Variants in TTN observed in about 807,000 individuals in gnomAD.
The protein encoded by TTN is titin.
In TTN, 1,525 loss-of-function variants were observed where a neutral mutation model predicts 3,223.0. The observed-to-expected ratio is 0.47, with a 90% CI of 0.45 to 0.49. TTN has a LOEUF of 0.49. Among genes scored for constraint, TTN ranks in the 20% least tolerant of loss-of-function variants. The pLI is 0.00. For missense variants in TTN, 40,786 were observed against 43,424.0 expected (o/e 0.94, Z 5.40); for synonymous variants, 14,094 against 15,161.0 (o/e 0.93, Z 5.17).
Position 178,556,715 on chromosome 2 carries a change from A to G in TTN, c.88306+133T>C, listed in dbSNP as rs1701659132. ...AGGAATTTTCCTCAGACTCCCAGCT[A>G]GTCCATAATTTCTTCCAAAAACCCC... On this transcript the variant is annotated intron_variant, in intron 330 of 362. Coordinates refer to ENST00000589042, the MANE Select transcript of TTN (RefSeq NM_001267550.2). 9.7e-6 allele frequency: 10 copies of G among 1,031,146 alleles called. No individual in the cohort carries two copies. The South Asian group carries it at 1.6e-4, about 16-fold the overall frequency. The allele number at this position is 1,031,146 out of a possible 1,614,324, so 63.9% of individuals were successfully genotyped here.
chr2:178,784,128 A>G lies in TTN; in HGVS notation c.2717T>C (p.Ile906Thr). ...CTCTTCACGGACGGTGGTGCCAGTG[A>G]TGCTCACCCCTACTTCCTTTTTCAC... Reference protein sequence around the residue: ...VEVKKEVGVSITGTTVREERF... With the variant: ...VEVKKEVGVSTTGTTVREERF... Residue 906 changes from isoleucine (I) to threonine (T), a missense_variant, in exon 16 of 363, where the codon ATC becomes ACC. Ile to Thr is a moderately conservative substitution (Grantham distance 89). Coordinates refer to ENST00000589042, the MANE Select transcript of TTN (RefSeq NM_001267550.2). The G allele has an allele frequency of 6.2e-7, 1 of 1,614,018 alleles. No homozygotes were observed. Among genetic ancestry groups the G allele is most frequent in the Admixed American group, 1.7e-5 (1 of 60,008 alleles).
At chr2:178,624,381 G>T in intron 242 of TTN, 84 bp downstream of exon 242, 1 of 1,564,580 alleles carries the variant, frequency 6.4e-7, no homozygotes, top group Admixed American at 1.8e-5. Flanking sequence ...GCCAAGAAGG[G>T]CATGCAAAAA....
rs886038882 is a variant in TTN, at chr2:178,560,552, C to T, written c.85580G>A (p.Gly28527Asp). 5 of 1,613,158 alleles carry T rather than the reference C, an allele frequency of 3.1e-6. No homozygotes were observed. Among genetic ancestry groups the T allele is most frequent in the African/African-American group, 1.3e-5 (1 of 74,892 alleles). ...CTCACCAACACCATATTTATTAACACCAGTTACTCTAAATATATATTCATT... is the reference window on the plus strand; with the variant it reads ...CTCACCAACACCATATTTATTAACATCAGTTACTCTAAATATATATTCATT... ...KGNEYIFRVT[G>D]VNKYGVGEPL... The change falls in exon 326 of 363, where the codon GGT becomes GAT. Residue 28527 changes from glycine (G) to aspartate (D), a missense_variant. Coordinates refer to ENST00000589042, the MANE Select transcript of TTN (RefSeq NM_001267550.2).
At chr2:178,615,579 C>G (rs191682785) in intron 258 of TTN, 62 bp downstream of exon 258, 2 of 1,610,274 alleles carry the variant, frequency 1.2e-6, no homozygotes, top group East Asian at 2.2e-5. Context: ...AACTTCAACT[C>G]TAGGTCTAAA....
chr2:178,566,919 C>T lies in TTN; in HGVS notation c.79213G>A (p.Val26405Ile), dbSNP rs769972835. The change falls in exon 326 of 363, where the codon GTC (valine) becomes ATC (isoleucine). Residue 26405 changes from valine to isoleucine, a missense_variant. Coordinates refer to ENST00000589042, the MANE Select transcript of TTN (RefSeq NM_001267550.2). ...TCACTATCTGGACGGTTCCAACAGA[C>T]GGTCATGGAGTCTTTGGCAATATTT... ...VTNIAKDSMT[V>I]CWNRPDSDGG... is the part of the protein sequence containing the mutation. The T allele has an allele frequency of 2.2e-5, 36 of 1,613,472 alleles. No individual in the cohort carries two copies. The highest frequency in any genetic ancestry group is 4.0e-5 in the African/African-American group (3 of 74,886).
In TTN at chr2:178,634,792, G is replaced by A. The variant is rs777098368; in HGVS notation, c.42082C>T (p.Leu14028=). ...TAGAGGACTTCACCAGCTTGGTCCA[G>A]TTTGACTTTGTGCAAAGTTAAGAAG... The part of the protein sequence containing the change: ...KRFLTLHKVK[L]DQAGEVLYQA... Residue 14028 remains leucine (L), a synonymous_variant, in exon 229 of 363, where the codon CTG becomes TTG. Coordinates refer to ENST00000589042, the MANE Select transcript of TTN (RefSeq NM_001267550.2). This position sits in a 1 kb window ranked among gnomAD's most constrained non-coding sequence, Gnocchi z 4.6. The A allele has an allele frequency of 6.2e-7, 1 of 1,612,994 alleles. No individual in the cohort carries two copies. Among genetic ancestry groups the A allele is most frequent in the Non-Finnish European group, 8.5e-7 (1 of 1,179,404 alleles).
intron 295 of TTN, 108 bp from the exon 296 acceptor site, chr2:178,594,754 C>T: frequency 1.1e-6 from 1 of 889,490 alleles, no homozygotes; most frequent in Non-Finnish European, 1.7e-6. Flanking sequence ...ACATTAAACT[C>T]TCTGCTCCCA....
Position 178,714,170 on chromosome 2 carries a change from C to T in TTN, c.26488G>A (p.Ala8830Thr), listed in dbSNP as rs1358888602. 1 of 1,608,224 alleles carries T rather than the reference C, an allele frequency of 6.2e-7. No individual in the cohort carries two copies. Among genetic ancestry groups the T allele is most frequent in the East Asian group, 2.2e-5 (1 of 44,838 alleles). Residue 8830 changes from alanine to threonine, a missense_variant, in exon 92 of 363, where the codon GCA (alanine) becomes ACA (threonine). Physicochemically the swap from Ala to Thr is moderately conservative, Grantham distance 58 (BLOSUM62 0). Coordinates refer to ENST00000589042, the MANE Select transcript of TTN (RefSeq NM_001267550.2). ...CFATLSVLEP[A>T]TIVEKPESIK... ...GATTCTGGCTTTTCTACAATTGTTG[C>T]AGGCTCTGGAATGAAATGTAAAAGA...
intron 239 of TTN, among the ~76,000 whole-genome samples, 185 bp from the exon 240 acceptor site, chr2:178,629,628 C>T (rs545778082): frequency 6.6e-6 from 1 of 152,214 alleles, no homozygotes; most frequent in East Asian, 1.9e-4. Context: ...AGCCAGAGAG[C>T]GAGTATATGT....
At chr2:178,628,440 C>T (rs1043064916) in intron 240 of TTN, among the ~76,000 whole-genome samples, 6 of 151,980 alleles carry the variant, frequency 3.9e-5, no homozygotes, top group Non-Finnish European at 7.4e-5. Context: ...CCAGGCTGGA[C>T]ATATTCCATA....
rs1340034332 is a variant in TTN at position 178,533,214 on chromosome 2, C to T, written c.103401G>A (p.Glu34467=). 2 of 1,613,822 alleles carry T rather than the reference C, an allele frequency of 1.2e-6. No homozygotes were observed. The highest frequency in any genetic ancestry group is 2.7e-5 in the African/African-American group (2 of 74,914). The change falls in exon 358 of 363, where the codon GAG becomes GAA. Residue 34467 remains glutamate, a synonymous_variant. Coordinates refer to ENST00000589042, the MANE Select transcript of TTN (RefSeq NM_001267550.2). ...RYKKQEFKSK[E]EHERHVQKQI... is the part of the protein sequence containing the mutation. Reference sequence around the variant, plus strand: ...GTTTTTGTACGTGTCGCTCATGCTCCTCCTTACTCTTGAATTCCTGTTTCT... The same window carrying T: ...GTTTTTGTACGTGTCGCTCATGCTCTTCCTTACTCTTGAATTCCTGTTTCT...
At chr2:178,799,377 C>T (rs997808700) in intron 6 of TTN, 110 bp downstream of exon 6, 21 of 1,549,776 alleles carry the variant, frequency 1.4e-5, no homozygotes, top group South Asian at 3.5e-5. Context: ...ACTGAAGAAG[C>T]GAACCACTCT....
At chr2:178,765,091 TTC>T (rs1190870396) in intron 41 of TTN, among the ~76,000 whole-genome samples, 1 of 152,162 alleles carries the variant, frequency 6.6e-6, no homozygotes, top group Non-Finnish European at 1.5e-5. Context: ...TTATCCCAGT[TTC>T]TGTTTGTGGT....
rs189112822 is a variant in TTN, at chr2:178,632,901, T to C, written c.43213+17A>G. 1 of 1,611,806 alleles carries C rather than the reference T, an allele frequency of 6.2e-7. No individual in the cohort carries two copies. ...TGCAGAGAAAATACAAAAACGTGGCTGACAAGTAGAGCATACCTTTCACTT... is the reference window on the plus strand; with the variant it reads ...TGCAGAGAAAATACAAAAACGTGGCCGACAAGTAGAGCATACCTTTCACTT... On this transcript the variant is annotated intron_variant, in intron 234 of 362. Coordinates refer to ENST00000589042, the MANE Select transcript of TTN (RefSeq NM_001267550.2).
intron 141 of TTN, 43 bp downstream of exon 141, chr2:178,679,556 C>T: frequency 6.3e-7 from 1 of 1,592,438 alleles, no homozygotes; most frequent in Non-Finnish European, 8.5e-7. Flanking sequence ...TATTTCTAGG[C>T]AGATGAAGTC....
Position 178,718,387 on chromosome 2 carries a change from T to C in TTN, c.24719A>G (p.Gln8240Arg), listed in dbSNP as rs747625896. The change falls in exon 85 of 363, where the codon CAG becomes CGG. Residue 8240 changes from glutamine (Q) to arginine (R), a missense_variant. By Grantham distance (43) the Gln-to-Arg change is conservative. Transcript: ENST00000589042. The part of the protein sequence containing the change: ...ILESTIEDYA[Q>R]YSCLIENEAG... ...CTCATTTTCTATCAGGCAGCTGTAC[T>C]GTGCATAATCCTCTATTGTGCTCTC... is the stretch of plus-strand genomic sequence containing the variant. 8 of 1,613,834 alleles carry C rather than the reference T, an allele frequency of 5.0e-6. No individual in the cohort carries two copies. In the Admixed American group the frequency reaches 1.3e-4, roughly 27 times the overall value.
rs760467197 is a variant in TTN at position 178,560,087 on chromosome 2, G to A, written c.86045C>T (p.Pro28682Leu). Residue 28682 changes from proline to leucine, a missense_variant, in exon 326 of 363, where the codon CCG (proline) becomes CTG (leucine). Physicochemically the swap from Pro to Leu is moderately conservative, Grantham distance 98. Coordinates refer to ENST00000589042, the MANE Select transcript of TTN (RefSeq NM_001267550.2). ...GTATTCTACAGTATATCCAGTTATC[G>A]GGGCCCCACCATCAAACAGCGGCTT... Reference protein sequence around the residue: ...WVKPLFDGGAPITGYTVEYKK... With the variant: ...WVKPLFDGGALITGYTVEYKK... 25 of 1,613,510 alleles carry A rather than the reference G, an allele frequency of 1.5e-5. No homozygotes were observed. Among genetic ancestry groups the A allele is most frequent in the East Asian group, 8.9e-5 (4 of 44,798 alleles).
rs1248408963 is a variant in TTN at position 178,591,080 on chromosome 2, C to A, written c.60645G>T (p.Arg20215Ser). Residue 20215 changes from arginine (R) to serine (S), a missense_variant, in exon 304 of 363, where the codon AGG becomes AGT. Physicochemically the swap from Arg to Ser is moderately radical, Grantham distance 110 (BLOSUM62 -1). Coordinates refer to ENST00000589042, the MANE Select transcript of TTN (RefSeq NM_001267550.2). ...AAGAGACAACACCCCACGTGTCTTTCCTTGTATCTTGTTTCTCAACAATAT... is the reference window on the plus strand; with the variant it reads ...AAGAGACAACACCCCACGTGTCTTTACTTGTATCTTGTTTCTCAACAATAT... ...INYIVEKQDT[R>S]KDTWGVVSSG... 5.6e-6 allele frequency: 9 copies of A among 1,613,204 alleles called. No homozygotes were observed. In the Admixed American group the frequency reaches 1.2e-4, roughly 21 times the overall value.
Position 178,573,643 on chromosome 2 carries a change from A to C in TTN, c.72489T>G (p.Arg24163=). The change falls in exon 326 of 363, where the codon CGT becomes CGG. Residue 24163 remains arginine, a synonymous_variant. Transcript: ENST00000589042. ...AKIDHYIVQK[R]ETSRLAWTNV... ...TTGTCCATGCCAATCTGCTGGTTTCACGTTTCTGTACTATGTAATGATCAA... is the reference window on the plus strand; with the variant it reads ...TTGTCCATGCCAATCTGCTGGTTTCCCGTTTCTGTACTATGTAATGATCAA... 6.7e-7 allele frequency: 1 copy of C among 1,500,330 alleles called. No individual in the cohort carries two copies. Among genetic ancestry groups the C allele is most frequent in the Non-Finnish European group, 8.9e-7 (1 of 1,126,886 alleles). 92.9% of individuals were successfully genotyped at this position (1,500,330 alleles called of 1,614,324 possible). A position where few individuals can be genotyped will look rare whatever the true frequency, so the allele number is the denominator to read the frequency against.
Sources: gnomAD v4.1 joint callset for allele counts (sites outside exome capture counted in the v4.1 genomes callset) on GRCh38, gnomAD v4.1.1 for gene constraint, Gnocchi (gnomAD v3.1) non-coding constraint, MANE v1.5 for transcripts, NCBI Gene and HGNC (gene_info 2026-07-23, HGNC 2026-07-21) for gene names.